The following CMIP variants were observed in gnomAD, a reference collection of about 807,000 sequenced individuals.
The protein encoded by CMIP is c-Maf inducing protein.
CMIP carries 13 observed loss-of-function variants against 97.3 expected under a neutral mutation model. The observed-to-expected ratio is 0.13, with a 90% confidence interval of 0.09 to 0.21. CMIP has a LOEUF of 0.21. Ranked by LOEUF, CMIP falls within the 10% of genes least tolerant of loss-of-function variation. The pLI, the probability that CMIP is intolerant of heterozygous loss-of-function variation, is 1.00. For missense variants in CMIP, 847 were observed against 1,024.9 expected, an observed-to-expected ratio of 0.83 and a Z score of 2.37; for synonymous variants, 538 against 436.3, an observed-to-expected ratio of 1.23 and a Z score of -2.91.
In CMIP at chr16:81,507,552, G is replaced by C. The variant is rs983719274; in HGVS notation, c.300+62011G>C. Among the ~76,000 whole-genome samples the C allele has an allele frequency of 4.3e-4, 66 of 152,190 alleles. 1 individual carries two copies. The highest frequency in any genetic ancestry group is 4.3e-3 in the Admixed American group (66 of 15,276). On this transcript the variant is annotated intron_variant, in intron 1 of 20. Transcript: ENST00000537098. ...CCTTGAGGGGTGGAAAGGTTAAGTC[G>C]TTTAATTGGTGCGTAATGTAAAACA...
At chr16:81,515,853 A>G (rs2966095) in intron 1 of CMIP, among the ~76,000 whole-genome samples, 111,625 of 152,014 alleles carry the variant, frequency 0.73, 41,899 homozygotes, top group African/African-American at 0.88. Flanking sequence ...TTGGAAGGCA[A>G]GAGGAATGGA....
chr16:81,708,683 G>A (rs1037923351), intron 20 of CMIP, among the ~76,000 whole-genome samples: 5 of 152,236 alleles, frequency 3.3e-5, no homozygotes, highest in African/African-American at 1.2e-4. Flanking sequence ...TCACTGCCCA[G>A]TCTGGCCAGA....
intron 1 of CMIP, among the ~76,000 whole-genome samples, chr16:81,539,690 G>A (rs931650213): frequency 3.3e-5 from 5 of 152,124 alleles, no homozygotes; most frequent in South Asian, 2.1e-4. Flanking sequence ...CCTGAGGCCC[G>A]CAGTTCCTGC....
intron 1 of CMIP, among the ~76,000 whole-genome samples, chr16:81,452,975 T>G (rs929649377): frequency 1.4e-5 from 2 of 145,956 alleles, no homozygotes; most frequent in Non-Finnish European, 3.0e-5. Context: ...GATTCTTAAA[T>G]GACAAAGCCC....
intron 10 of CMIP, among the ~76,000 whole-genome samples, chr16:81,686,154 C>T (rs1409112765): frequency 6.6e-6 from 1 of 152,242 alleles, no homozygotes; most frequent in Admixed American, 6.5e-5. Flanking sequence ...TGGCACGCAG[C>T]AGGCGCTGCA....
At chr16:81,589,953 A>T (rs1454190186) in intron 1 of CMIP, among the ~76,000 whole-genome samples, 1 of 152,206 alleles carries the variant, frequency 6.6e-6, no homozygotes, top group Non-Finnish European at 1.5e-5. Flanking sequence ...CAGAGAAGAC[A>T]TTCTGAGTCC....
At chr16:81,592,171 A>G (rs567581562) in intron 1 of CMIP, among the ~76,000 whole-genome samples, 103 of 152,246 alleles carry the variant, frequency 6.8e-4, no homozygotes, top group African/African-American at 2.3e-3. Context: ...TACTGTTTAC[A>G]TCTTAATTTT....
intron 3 of CMIP, among the ~76,000 whole-genome samples, chr16:81,626,044 C>G (rs1359234203): frequency 6.6e-6 from 1 of 152,230 alleles, no homozygotes; most frequent in East Asian, 1.9e-4. Context: ...TGGATCCTTT[C>G]TGGCTGCCTG....
chr16:81,582,846 A>C (rs2091318691), intron 1 of CMIP, among the ~76,000 whole-genome samples: 1 of 152,152 alleles, frequency 6.6e-6, no homozygotes, highest in Non-Finnish European at 1.5e-5. Context: ...CGGGGGTAAA[A>C]CGAAAATGAC....
chr16:81,479,031 T>C (rs1471152), intron 1 of CMIP, among the ~76,000 whole-genome samples: 1 of 151,992 alleles, frequency 6.6e-6, no homozygotes, highest in Admixed American at 6.5e-5. Context: ...AGCCGGGTCC[T>C]CAGGCACTCG....
In CMIP at chr16:81,506,384, G is replaced by C. The variant is rs539886094; in HGVS notation, c.300+60843G>C. Reference sequence around the variant, plus strand: ...CTGAGATCTTGACCTCTGTTCTTAAGAGGTGGATCTTGCCTCAGTTATGCT... The same window carrying C: ...CTGAGATCTTGACCTCTGTTCTTAACAGGTGGATCTTGCCTCAGTTATGCT... On this transcript the variant is annotated intron_variant, in intron 1 of 20. Coordinates refer to ENST00000537098, the MANE Select transcript of CMIP (RefSeq NM_198390.3). 2.7e-5 allele frequency among the ~76,000 whole-genome samples: 4 copies of C among 148,174 alleles called. No individual in the cohort carries two copies. The South Asian group carries it at 8.3e-4, about 31-fold the overall frequency.
chr16:81,701,870 G>A, intron 16 of CMIP, 70 bp downstream of exon 16: 1 of 1,588,364 alleles, frequency 6.3e-7, no homozygotes, highest in Non-Finnish European at 8.6e-7. Context: ...GGGATGCGGG[G>A]CAGCTAGTAC....
At chr16:81,480,565 A>G (rs1908197754) in intron 1 of CMIP, among the ~76,000 whole-genome samples, 1 of 152,090 alleles carries the variant, frequency 6.6e-6, no homozygotes, top group African/African-American at 2.4e-5. Context: ...TCTCCACCTG[A>G]GTCCAAAGCC....
chr16:81,587,272 T>C (rs1171789631), intron 1 of CMIP, among the ~76,000 whole-genome samples: 1 of 152,210 alleles, frequency 6.6e-6, no homozygotes, highest in Non-Finnish European at 1.5e-5. Context: ...GGCCGCCCAT[T>C]CCTGGGCTGT....
chr16:81,484,936 C>T (rs773551197), intron 1 of CMIP, among the ~76,000 whole-genome samples: 93 of 152,034 alleles, frequency 6.1e-4, no homozygotes, highest in Middle Eastern at 6.8e-3. Context: ...CCTTCCTCCT[C>T]CTACCCCTGA....
chr16:81,560,012 G>C (rs1306653867), intron 1 of CMIP, among the ~76,000 whole-genome samples: 2 of 151,860 alleles, frequency 1.3e-5, no homozygotes, highest in African/African-American at 4.8e-5. Context: ...GCGGGGCATA[G>C]TGGTGTGCAC....
intron 9 of CMIP, among the ~76,000 whole-genome samples, chr16:81,675,574 G>A (rs1904295571): frequency 2.0e-5 from 3 of 152,098 alleles, no homozygotes. Context: ...CACCTGGACT[G>A]CTTTAAAATA....
At chr16:81,542,463 G>C (rs367902370) in intron 1 of CMIP, among the ~76,000 whole-genome samples, 6 of 152,280 alleles carry the variant, frequency 3.9e-5, no homozygotes, top group Non-Finnish European at 8.8e-5. Flanking sequence ...TGAGAGGCAG[G>C]TGAAACTGGC....
At chr16:81,516,304 A>G (rs1295551852) in intron 1 of CMIP, among the ~76,000 whole-genome samples, 1 of 152,206 alleles carries the variant, frequency 6.6e-6, no homozygotes, top group Non-Finnish European at 1.5e-5. Flanking sequence ...TAAAATACAC[A>G]TGGAATCGCG....
Sources: allele counts gnomAD v4.1 joint callset (sites outside exome capture counted in the v4.1 genomes callset), GRCh38; gene constraint gnomAD v4.1.1; transcripts MANE v1.5; gene names NCBI Gene and HGNC (gene_info 2026-07-23, HGNC 2026-07-21).